Variants in PLS1 observed in about 807,000 individuals in gnomAD.
PLS1 encodes plastin 1, also known as plastin-1.
In PLS1, 32 loss-of-function variants were observed where a neutral mutation model predicts 73.7. The ratio of observed to expected loss-of-function variants is 0.43; its 90% CI spans 0.33 to 0.58. The LOEUF (loss-of-function observed/expected upper bound fraction) is 0.58, where lower values mean the gene tolerates loss of function less well. Ranked by LOEUF, PLS1 falls within the 20% of genes least tolerant of loss-of-function variation. The pLI, the probability that PLS1 is intolerant of heterozygous loss-of-function variation, is 0.04. For synonymous variants in PLS1, 217 were observed against 261.3 expected, an observed-to-expected ratio of 0.83 and a Z score of 1.63; for missense variants, 633 against 740.5, an observed-to-expected ratio of 0.85 and a Z score of 1.68.
At chr3:142,696,489 G>A (rs962980102) in intron 11 of PLS1, among the ~76,000 whole-genome samples, 2 of 152,010 alleles carry the variant, frequency 1.3e-5, no homozygotes, top group Non-Finnish European at 2.9e-5. Flanking sequence ...CCATAGAATT[G>A]TGTCTGCATC....
At chr3:142,636,687 C>T (rs796459314) in intron 1 of PLS1, among the ~76,000 whole-genome samples, 7 of 152,264 alleles carry the variant, frequency 4.6e-5, no homozygotes, top group African/African-American at 1.4e-4. Context: ...TCTAATAAAG[C>T]ACCTATATCC....
At chr3:142,682,068 G>T (rs758195612) in intron 6 of PLS1, among the ~76,000 whole-genome samples, 6 of 152,140 alleles carry the variant, frequency 3.9e-5, no homozygotes, top group Non-Finnish European at 8.8e-5. Flanking sequence ...TAGTGTCTTG[G>T]TGCTGGGAAA....
rs144604988 is a variant in PLS1 at position 142,689,779 on chromosome 3, G to A, written c.1143G>A (p.Pro381=). The A allele has an allele frequency of 9.7e-5, 154 of 1,593,954 alleles. 1 individual carries two copies. In the African/African-American group the frequency reaches 1.4e-3, roughly 15 times the overall value. The change falls in exon 10 of 16, where the codon CCG becomes CCA. Residue 381 remains proline (P), a synonymous_variant. Coordinates refer to ENST00000457734, the MANE Select transcript of PLS1 (RefSeq NM_001145319.2). ...LFNTYPCLHK[P]NNNDIDMNLL... is the part of the protein sequence containing the mutation. Reference sequence around the variant, plus strand: ...ACACATACCCGTGCCTGCACAAGCCGAATAATAATGACATCGATATGAATT... The same window carrying A: ...ACACATACCCGTGCCTGCACAAGCCAAATAATAATGACATCGATATGAATT...
At chr3:142,601,114 A>G (rs2035920219) in intron 1 of PLS1, among the ~76,000 whole-genome samples, 2 of 146,970 alleles carry the variant, frequency 1.4e-5, no homozygotes, top group South Asian at 4.4e-4. Context: ...TTTAGTAGAG[A>G]CGGGGTTTCA....
At chr3:142,615,220 G>T (rs1442198672) in intron 1 of PLS1, among the ~76,000 whole-genome samples, 2 of 152,198 alleles carry the variant, frequency 1.3e-5, no homozygotes, top group African/African-American at 4.8e-5. Context: ...ACCCAGAGAA[G>T]TGATGTAGGC....
chr3:142,661,284 G>A (rs555805770), intron 1 of PLS1, among the ~76,000 whole-genome samples: 2 of 152,302 alleles, frequency 1.3e-5, no homozygotes, highest in South Asian at 2.1e-4. Flanking sequence ...GTAAGAAACT[G>A]CATCTGGGGA....
intron 12 of PLS1, among the ~76,000 whole-genome samples, chr3:142,701,623 A>G (rs1012585467): frequency 1.3e-5 from 2 of 152,194 alleles, no homozygotes; most frequent in Non-Finnish European, 2.9e-5. Context: ...CCATAAAAGA[A>G]TATATGCTTT....
chr3:142,620,315 C>T (rs546240922), intron 1 of PLS1, among the ~76,000 whole-genome samples: 8 of 152,128 alleles, frequency 5.3e-5, no homozygotes, highest in South Asian at 4.2e-4. Context: ...GTAGTACAGA[C>T]GGGGTTTCAC....
chr3:142,690,180 C>T (rs1044775972), intron 10 of PLS1, among the ~76,000 whole-genome samples: 2 of 152,106 alleles, frequency 1.3e-5, no homozygotes, highest in African/African-American at 4.8e-5. Flanking sequence ...GTATTGTTCT[C>T]TTTTTAAGGT....
intron 1 of PLS1, among the ~76,000 whole-genome samples, chr3:142,647,503 C>CTTTTCT (rs2036980025): frequency 7.0e-6 from 1 of 141,938 alleles, no homozygotes; most frequent in Non-Finnish European, 1.5e-5. Context: ...TTTTTCTTTT[C>CTTTTCT]TTTTTTTTTT....
At chr3:142,612,178 C>G (rs1439025241) in intron 1 of PLS1, among the ~76,000 whole-genome samples, 1 of 152,186 alleles carries the variant, frequency 6.6e-6, no homozygotes, top group Non-Finnish European at 1.5e-5. Flanking sequence ...TAATAGTTCT[C>G]ACTGGTTTAA....
chr3:142,596,841 C>T (rs2035824093), intron 1 of PLS1, among the ~76,000 whole-genome samples: 1 of 152,198 alleles, frequency 6.6e-6, no homozygotes, highest in Non-Finnish European at 1.5e-5. Flanking sequence ...GTGAGGCTTT[C>T]TGAACCAGCC....
intron 12 of PLS1, among the ~76,000 whole-genome samples, chr3:142,700,391 C>T (rs1317802089): frequency 6.6e-6 from 1 of 152,042 alleles, no homozygotes; most frequent in Admixed American, 6.5e-5. Context: ...GGCATGATCT[C>T]GGCTAACTGC....
intron 8 of PLS1, among the ~76,000 whole-genome samples, chr3:142,684,626 A>G (rs1396971784): frequency 6.6e-6 from 1 of 152,244 alleles, no homozygotes; most frequent in Non-Finnish European, 1.5e-5. Context: ...GTGAGAGGAA[A>G]GAGGTGCTAG....
intron 4 of PLS1, among the ~76,000 whole-genome samples, chr3:142,675,481 C>A (rs1205231931): frequency 2.6e-5 from 4 of 152,056 alleles, no homozygotes; most frequent in Non-Finnish European, 4.4e-5. Context: ...CTCCTGGGTT[C>A]ATGTCATTCT....
At chr3:142,610,460 C>A (rs1411535866) in intron 1 of PLS1, among the ~76,000 whole-genome samples, 1 of 152,116 alleles carries the variant, frequency 6.6e-6, no homozygotes, top group Non-Finnish European at 1.5e-5. Context: ...CAGCTTAAGA[C>A]TTTGTAAACC....
chr3:142,705,537 G>A (rs2038442430), intron 14 of PLS1, among the ~76,000 whole-genome samples: 1 of 152,212 alleles, frequency 6.6e-6, no homozygotes, highest in Non-Finnish European at 1.5e-5. Flanking sequence ...AAGCATGTCT[G>A]CTTGTACACA....
chr3:142,703,475 T>C (rs2038377306), intron 12 of PLS1, among the ~76,000 whole-genome samples: 2 of 152,070 alleles, frequency 1.3e-5, no homozygotes, highest in Admixed American at 1.3e-4. Flanking sequence ...TTTGTATTTT[T>C]AGTAGAGATG....
intron 1 of PLS1, among the ~76,000 whole-genome samples, chr3:142,599,483 C>T (rs1256993954): frequency 4.6e-5 from 7 of 151,656 alleles, no homozygotes; most frequent in Non-Finnish European, 1.0e-4. Flanking sequence ...GCGCCCGCCA[C>T]CGCGCCCGGC....
Sources: gnomAD v4.1 joint callset for allele counts (sites outside exome capture counted in the v4.1 genomes callset) on GRCh38, gnomAD v4.1.1 for gene constraint, MANE v1.5 for transcripts, NCBI Gene and HGNC (gene_info 2026-07-23, HGNC 2026-07-21) for gene names.